The following NAA60 variants were observed in gnomAD, a reference collection of about 807,000 sequenced individuals.
The protein encoded by NAA60 is N-alpha-acetyltransferase 60, NatF catalytic subunit.
In NAA60, 8 loss-of-function variants were observed where a neutral mutation model predicts 26.1. That is an observed-to-expected ratio of 0.31 (90% CI 0.18 to 0.55). NAA60 has a LOEUF of 0.55. NAA60 is among the 20% of genes least tolerant of loss of function. The pLI is 0.93. For synonymous variants in NAA60, 131 were observed against 122.5 expected (o/e 1.07, Z -0.46); for missense variants, 290 against 311.3 (o/e 0.93, Z 0.51).
intron 4 of NAA60, among the ~76,000 whole-genome samples, chr16:3,482,209 G>A (rs2036880871): frequency 1.3e-5 from 2 of 152,172 alleles, no homozygotes; most frequent in South Asian, 4.1e-4. Context: ...ACTTTACCTT[G>A]TGCTGGCATC....
At chr16:3,468,283 G>T (rs534855112) in intron 2 of NAA60, 1 of 152,204 alleles carries the variant, frequency 6.6e-6, no homozygotes, top group Non-Finnish European at 1.5e-5. Flanking sequence ...AGAAAAGCAG[G>T]TCGGTGTGAA....
At chr16:3,482,417 G>A (rs1048701984) in intron 4 of NAA60, 85 bp from the exon 5 acceptor site, 165 of 1,116,342 alleles carry the variant, frequency 1.5e-4, no homozygotes, top group Non-Finnish European at 2.0e-4. Context: ...GTGGGAAGTC[G>A]GTGCGGAGCC....
At chr16:3,453,853 C>T (rs1341527514) in intron 2 of NAA60, among the ~76,000 whole-genome samples, 1 of 152,016 alleles carries the variant, frequency 6.6e-6, no homozygotes, top group Non-Finnish European at 1.5e-5. Flanking sequence ...GATCCCCAGT[C>T]CCTGCTCTCC....
chr16:3,457,461 G>A (rs2035053284), intron 2 of NAA60, among the ~76,000 whole-genome samples: 1 of 152,180 alleles, frequency 6.6e-6, no homozygotes, highest in South Asian at 2.1e-4. Context: ...AAAACTTCGC[G>A]TTAGATCTTG....
At chr16:3,470,546 C>T (rs75925106) in intron 2 of NAA60, among the ~76,000 whole-genome samples, 9,279 of 152,296 alleles carry the variant, frequency 0.061, 371 homozygotes, top group Admixed American at 0.084. Flanking sequence ...CAGCGTGGCC[C>T]TCATAGCCAG....
intron 5 of NAA60, chr16:3,482,975 C>T (rs1016032864): frequency 6.6e-5 from 31 of 467,222 alleles, no homozygotes; most frequent in African/African-American, 5.6e-4. Flanking sequence ...GCAACACTCA[C>T]CGTTTCTCCG....
chr16:3,467,185 G>C (rs2035820493), intron 2 of NAA60, among the ~76,000 whole-genome samples: 1 of 152,188 alleles, frequency 6.6e-6, no homozygotes, highest in Non-Finnish European at 1.5e-5. Context: ...CCTGAGGTAG[G>C]TGGGAGAATC....
At chr16:3,482,464 A>G in intron 4 of NAA60, 38 bp from the exon 5 acceptor site, 1 of 1,512,206 alleles carries the variant, frequency 6.6e-7, no homozygotes, top group Non-Finnish European at 9.0e-7. Context: ...CGTGCACCAG[A>G]CGTGTGAGCC....
At position 3,443,882 on chromosome 16, in the gene NAA60, G is replaced by A. The variant is rs528640840; in HGVS notation, c.-77+45G>A. The A allele has an allele frequency of 5.2e-5, 79 of 1,513,644 alleles. 1 individual carries two copies. The East Asian group carries it at 1.9e-3, about 36-fold the overall frequency. The allele number at this position is 1,513,644 out of a possible 1,614,324, so 93.8% of individuals were successfully genotyped here. ...CCCTGTAGGCCTGAAATTTCGGTCT[G>A]GCCAGAGCAAGGTGATTGAGAGGGC... On this transcript the variant is annotated intron_variant, in intron 1 of 7. Coordinates refer to ENST00000407558, the MANE Select transcript of NAA60 (RefSeq NM_001083601.3).
At position 3,479,582 on chromosome 16, in the gene NAA60, G is replaced by C; in HGVS notation, c.222G>C (p.Arg74Ser). 6.2e-7 allele frequency: 1 copy of C among 1,614,008 alleles called. No individual in the cohort carries two copies. The highest frequency in any genetic ancestry group is 1.1e-5 in the South Asian group (1 of 91,078). The change falls in exon 4 of 8, where the codon AGG becomes AGC. Residue 74 changes from arginine (R) to serine (S), a missense_variant. Coordinates refer to ENST00000407558, the MANE Select transcript of NAA60 (RefSeq NM_001083601.3). ...VGMIVAEIKN[R>S]TKIHKEDGDI... Reference sequence around the variant, plus strand: ...TGATAGTAGCTGAAATTAAGAACAGGACCAAAATACATAAAGAGGTACGTA... The same window carrying C: ...TGATAGTAGCTGAAATTAAGAACAGCACCAAAATACATAAAGAGGTACGTA...
At chr16:3,458,356 C>A (rs1486162540) in intron 2 of NAA60, among the ~76,000 whole-genome samples, 14 of 151,626 alleles carry the variant, frequency 9.2e-5, no homozygotes, top group Non-Finnish European at 1.8e-4. Context: ...CTCCCGGGAG[C>A]CGGTTTCGGG....
chr16:3,448,290 A>AC, intron 1 of NAA60, among the ~76,000 whole-genome samples, 181 bp from the exon 2 acceptor site: 1 of 151,350 alleles, frequency 6.6e-6, no homozygotes, highest in Admixed American at 6.6e-5. Context: ...AAAAAAAAAA[A>AC]AAACATGGGT....
At chr16:3,466,598 G>C (rs1289336789) in intron 2 of NAA60, among the ~76,000 whole-genome samples, 1 of 152,214 alleles carries the variant, frequency 6.6e-6, no homozygotes, top group Non-Finnish European at 1.5e-5. Flanking sequence ...ATGAGTGTTG[G>C]ATTTTTCAAG....
chr16:3,457,950 G>A (rs545090692), intron 2 of NAA60: 24 of 981,836 alleles, frequency 2.4e-5, no homozygotes, highest in Non-Finnish European at 2.9e-5. Context: ...GGCAGCGCCG[G>A]CCTCAGGGGG....
At position 3,484,921 on chromosome 16, in the gene NAA60, A is replaced by G. The variant is rs942701367; in HGVS notation, c.*66A>G. On this transcript the variant is annotated 3_prime_UTR_variant, in exon 7 of 8. Coordinates refer to ENST00000407558, the MANE Select transcript of NAA60 (RefSeq NM_001083601.3). ...GCCCGCAGAGCCCGCCTTCCTGTCC[A>G]TCTGACCCCTTCTGTTTTCTGCAAG... 4 of 1,545,592 alleles carry G rather than the reference A, an allele frequency of 2.6e-6. No homozygotes were observed. The highest frequency in any genetic ancestry group is 1.2e-5 in the South Asian group (1 of 84,042).
intron 4 of NAA60, among the ~76,000 whole-genome samples, chr16:3,481,783 C>A (rs1248660296): frequency 6.6e-6 from 1 of 152,202 alleles, no homozygotes; most frequent in East Asian, 1.9e-4. Flanking sequence ...ACTGACATAT[C>A]TGGGTGAACT....
intron 2 of NAA60, among the ~76,000 whole-genome samples, chr16:3,466,866 T>A (rs1398570197): frequency 6.6e-6 from 1 of 152,090 alleles, no homozygotes; most frequent in Non-Finnish European, 1.5e-5. Flanking sequence ...CCTTCACCAG[T>A]GTGCTGGGAC....
chr16:3,452,285 G>C (rs944940350), intron 2 of NAA60, among the ~76,000 whole-genome samples: 7 of 152,186 alleles, frequency 4.6e-5, no homozygotes, highest in African/African-American at 9.7e-5. Flanking sequence ...AGTGGGTGTA[G>C]AGTCTTCACA....
rs76525720 is a variant in NAA60 at position 3,469,870 on chromosome 16, C to G, written c.-6-6352C>G. Reference sequence around the variant, plus strand: ...AGCCATCCAGCCAAGAGCCAGGGCTCCATGCCTCTGAGCCCTCAGGCACTG... The same window carrying G: ...AGCCATCCAGCCAAGAGCCAGGGCTGCATGCCTCTGAGCCCTCAGGCACTG... On this transcript the variant is annotated intron_variant, in intron 2 of 7. Transcript: ENST00000407558. 3.8e-4 allele frequency among the ~76,000 whole-genome samples: 58 copies of G among 152,364 alleles called. No homozygotes were observed. In the East Asian group the frequency reaches 9.8e-3, roughly 26 times the overall value.
Sources: gnomAD v4.1 joint callset for allele counts (sites outside exome capture counted in the v4.1 genomes callset) on GRCh38, gnomAD v4.1.1 for gene constraint, MANE v1.5 for transcripts, NCBI Gene and HGNC (gene_info 2026-07-23, HGNC 2026-07-21) for gene names.